EHD4: variants seen among roughly 807,000 people sequenced by gnomAD.
EHD4 encodes the protein EH domain-containing protein 4.
EHD4 carries 37 observed loss-of-function variants against 51.0 expected under a neutral mutation model. The observed-to-expected ratio is 0.73, with a 90% CI of 0.56 to 0.95. EHD4 has a LOEUF of 0.95. Among genes scored for constraint, EHD4 ranks in the 40% least tolerant of loss-of-function variants. The pLI, the probability that EHD4 is intolerant of heterozygous loss-of-function variation, is 0.00. For missense variants in EHD4, 632 were observed against 733.1 expected, an observed-to-expected ratio of 0.86 and a Z score of 1.59; for synonymous variants, 297 against 317.3, an observed-to-expected ratio of 0.94 and a Z score of 0.68.
At position 41,956,918 on chromosome 15, in the gene EHD4, G is replaced by A. The variant is rs546318238; in HGVS notation, c.237-2978C>T. ...CACATTAACAAATTTTTGAAAACTC[G>A]GAATCATCAATGCTGGCAAGGGTCC... On this transcript the variant is annotated intron_variant, in intron 1 of 5. Coordinates refer to ENST00000220325, the MANE Select transcript of EHD4 (RefSeq NM_139265.4). Among the ~76,000 whole-genome samples, 28 of 152,238 alleles carry A rather than the reference G, an allele frequency of 1.8e-4. No homozygotes were observed. In the South Asian group the frequency reaches 3.7e-3, roughly 20 times the overall value.
At chr15:41,924,768 A>G (rs2140990997) in intron 3 of EHD4, among the ~76,000 whole-genome samples, 1 of 152,294 alleles carries the variant, frequency 6.6e-6, no homozygotes, top group South Asian at 2.1e-4. Flanking sequence ...AAACTGTACA[A>G]TTAGATAGAA....
At chr15:41,966,926 G>C (rs1230278168) in intron 1 of EHD4, among the ~76,000 whole-genome samples, 1 of 152,132 alleles carries the variant, frequency 6.6e-6, no homozygotes, top group Non-Finnish European at 1.5e-5. Flanking sequence ...TCCTGTGCAA[G>C]GACTTCTACT....
intron 5 of EHD4, among the ~76,000 whole-genome samples, chr15:41,901,953 T>C (rs1429462397): frequency 3.3e-5 from 5 of 152,086 alleles, no homozygotes; most frequent in Non-Finnish European, 5.9e-5. Context: ...TATGGACAAA[T>C]AAGCAAAAGC....
Position 41,943,125 on chromosome 15 carries a change from G to A in EHD4, c.453C>T (p.Ser151=). Residue 151 remains serine (S), a synonymous_variant, in exon 3 of 6, where the codon AGC becomes AGT. Transcript: ENST00000220325. ...CSQLPNQVLK[S]ISVIDSPGIL... ...TGCCGGGGCTGTCGATGACGCTGAT[G>A]CTCTTCAGGACCTGATTGGGGAGCT... 4.4e-6 allele frequency: 7 copies of A among 1,594,660 alleles called. No homozygotes were observed. The highest frequency in any genetic ancestry group is 6.0e-6 in the Non-Finnish European group (7 of 1,170,656).
At chr15:41,967,112 G>C (rs1486801566) in intron 1 of EHD4, among the ~76,000 whole-genome samples, 2 of 152,046 alleles carry the variant, frequency 1.3e-5, no homozygotes, top group Non-Finnish European at 2.9e-5. Flanking sequence ...CCTCTTCTTG[G>C]ATCCCCATCT....
At chr15:41,959,395 CAAAAAAAAAAAAAAA>C (rs36120701) in intron 1 of EHD4, among the ~76,000 whole-genome samples, 1 of 66,412 alleles carries the variant, frequency 1.5e-5, no homozygotes, top group Non-Finnish European at 2.7e-5. Context: ...GACTTTGTCT[CAAAAAAAAAAAAAAA>C]AAAAAAAAAA....
intron 3 of EHD4, among the ~76,000 whole-genome samples, chr15:41,927,968 A>G (rs1034659649): frequency 5.3e-5 from 8 of 152,210 alleles, no homozygotes; most frequent in African/African-American, 1.9e-4. Context: ...ATGCGTTTCT[A>G]AAAAAGGGTT....
intron 5 of EHD4, among the ~76,000 whole-genome samples, chr15:41,903,329 TA>T (rs10622699): frequency 8.8e-5 from 12 of 136,078 alleles, no homozygotes; most frequent in African/African-American, 2.7e-4. Flanking sequence ...TGCTTTCTTG[TA>T]AAAAAAAAAA....
intron 1 of EHD4, among the ~76,000 whole-genome samples, chr15:41,959,762 G>C (rs1433409995): frequency 6.6e-6 from 1 of 152,144 alleles, no homozygotes; most frequent in African/African-American, 2.4e-5. Context: ...GAGGTCAGGA[G>C]TTCAAGGCCA....
chr15:41,933,529 G>T (rs778760248), intron 3 of EHD4, among the ~76,000 whole-genome samples: 3 of 152,152 alleles, frequency 2.0e-5, no homozygotes, highest in Non-Finnish European at 4.4e-5. Flanking sequence ...AAGAGCCAGG[G>T]ACAGGGAGAA....
At chr15:41,918,261 T>A (rs2067599255) in intron 4 of EHD4, among the ~76,000 whole-genome samples, 1 of 149,944 alleles carries the variant, frequency 6.7e-6, no homozygotes, top group Non-Finnish European at 1.5e-5. Flanking sequence ...TTTACACACA[T>A]GCATATTCAC....
intron 3 of EHD4, among the ~76,000 whole-genome samples, chr15:41,920,796 G>T (rs2067619726): frequency 6.6e-6 from 1 of 152,164 alleles, no homozygotes; most frequent in Admixed American, 6.5e-5. Context: ...AAGAGTAAAA[G>T]CTTAGTTTCA....
In EHD4 at chr15:41,972,248, G is replaced by C. The variant is rs1426744151; in HGVS notation, c.236+11C>G. The C allele has an allele frequency of 6.5e-7, 1 of 1,539,686 alleles. No individual in the cohort carries two copies. Among genetic ancestry groups the C allele is most frequent in the Non-Finnish European group, 8.8e-7 (1 of 1,140,926 alleles). On this transcript the variant is annotated intron_variant, in intron 1 of 5. Coordinates refer to ENST00000220325, the MANE Select transcript of EHD4 (RefSeq NM_139265.4). ...GCGGGGCGGGAGCCGGGCGAGGGGCGGTGACGGTACCTGATGAAGGTGGTC... is the reference window on the plus strand; with the variant it reads ...GCGGGGCGGGAGCCGGGCGAGGGGCCGTGACGGTACCTGATGAAGGTGGTC...
chr15:41,940,523 G>A (rs149817342), intron 3 of EHD4, among the ~76,000 whole-genome samples: 206 of 152,302 alleles, frequency 1.4e-3, no homozygotes, highest in African/African-American at 4.1e-3. Flanking sequence ...CCCTAACACC[G>A]TGTGGCACCG....
At chr15:41,938,406 A>G (rs916569899) in intron 3 of EHD4, among the ~76,000 whole-genome samples, 1 of 152,226 alleles carries the variant, frequency 6.6e-6, no homozygotes, top group African/African-American at 2.4e-5. Context: ...ATTGCCCGTC[A>G]TGTTACCTGA....
At position 41,918,242 on chromosome 15, in the gene EHD4, A is replaced by G. The variant is rs566477676; in HGVS notation, c.924+968T>C. Among the ~76,000 whole-genome samples, 998 of 130,552 alleles carry G rather than the reference A, an allele frequency of 7.6e-3. 4 individuals carry two copies. The highest frequency in any genetic ancestry group is 0.013 in the African/African-American group (474 of 35,902). The allele number at this position is 130,552 out of a possible 152,430, so 85.6% of individuals were successfully genotyped here. A position where few individuals can be genotyped will look rare whatever the true frequency, so the allele number is the denominator to read the frequency against. ...TACACACACACACACACACACACAC[A>G]CGCGCATGTTTACACACATGCATAT... On this transcript the variant is annotated intron_variant, in intron 4 of 5. Transcript: ENST00000220325.
At chr15:41,932,611 C>A (rs867983764) in intron 3 of EHD4, among the ~76,000 whole-genome samples, 18 of 152,108 alleles carry the variant, frequency 1.2e-4, no homozygotes, top group Admixed American at 1.2e-3. Context: ...TCCCTAGATA[C>A]AAGAAAGAGG....
chr15:41,932,892 G>A (rs1050965836), intron 3 of EHD4, among the ~76,000 whole-genome samples: 7 of 152,218 alleles, frequency 4.6e-5, no homozygotes, highest in Admixed American at 2.0e-4. Flanking sequence ...GCGCTTGGCC[G>A]AGAGGGCCCT....
intron 1 of EHD4, among the ~76,000 whole-genome samples, chr15:41,959,492 G>C (rs1245196481): frequency 6.6e-6 from 1 of 151,824 alleles, no homozygotes; most frequent in Non-Finnish European, 1.5e-5. Flanking sequence ...TCTGTGCATG[G>C]AGTTTGGGGG....
Sources: gnomAD v4.1 joint callset for allele counts (sites outside exome capture counted in the v4.1 genomes callset) on GRCh38, gnomAD v4.1.1 for gene constraint, MANE v1.5 for transcripts, NCBI Gene and HGNC (gene_info 2026-07-23, HGNC 2026-07-21) for gene names.